The following DPP10 variants were observed in gnomAD, a reference collection of about 807,000 sequenced individuals.
DPP10 encodes inactive dipeptidyl peptidase 10.
DPP10 carries 33 observed loss-of-function variants against 120.9 expected under a neutral mutation model. That is an observed-to-expected ratio of 0.27 (90% CI 0.21 to 0.37). The LOEUF (loss-of-function observed/expected upper bound fraction) is 0.37. Among genes scored for constraint, DPP10 ranks in the 10% least tolerant of loss-of-function variants. The probability of loss-of-function intolerance (pLI) is 1.00; values close to 1 mark genes in which losing one functional copy is unlikely to be tolerated. For synonymous variants in DPP10, 337 were observed against 326.1 expected (o/e 1.03, Z -0.36); for missense variants, 816 against 942.8 (o/e 0.87, Z 1.76).
At chr2:114,925,560 A>C (rs1695556865) in intron 1 of DPP10, among the ~76,000 whole-genome samples, 1 of 152,202 alleles carries the variant, frequency 6.6e-6, no homozygotes, top group African/African-American at 2.4e-5. Context: ...ACCTAAGTGA[A>C]CCAAGAAGTT....
At chr2:114,717,164 TC>T (rs1281323090) in intron 1 of DPP10, among the ~76,000 whole-genome samples, 1 of 152,104 alleles carries the variant, frequency 6.6e-6, no homozygotes, top group Admixed American at 6.5e-5. Flanking sequence ...TTCAAAAACT[TC>T]CATTAGGAGA....
chr2:115,438,421 T>TC (rs1182133593), intron 3 of DPP10, among the ~76,000 whole-genome samples: 7 of 152,172 alleles, frequency 4.6e-5, no homozygotes, highest in African/African-American at 1.7e-4. Context: ...CTTGTACATA[T>TC]ACTTGCGTGC....
At chr2:114,543,867 G>GTTT (rs751537870) in intron 1 of DPP10, among the ~76,000 whole-genome samples, 4 of 49,224 alleles carry the variant, frequency 8.1e-5, no homozygotes, top group African/African-American at 1.4e-4. Context: ...AATGTAGCTT[G>GTTT]TTTTTTTTGT....
chr2:115,372,080 A>G (rs1237615659), intron 3 of DPP10, among the ~76,000 whole-genome samples: 1 of 152,150 alleles, frequency 6.6e-6, no homozygotes, highest in East Asian at 1.9e-4. Context: ...TTCATGTATT[A>G]AAGTGTATAA....
intron 3 of DPP10, among the ~76,000 whole-genome samples, chr2:115,384,693 GAAA>G (rs1352221919): frequency 7.2e-5 from 10 of 139,100 alleles, no homozygotes; most frequent in Non-Finnish European, 1.2e-4. Flanking sequence ...GGAAGAAGAA[GAAA>G]AAGAAAGAAG....
intron 1 of DPP10, among the ~76,000 whole-genome samples, chr2:114,511,546 A>G (rs1394633441): frequency 1.3e-5 from 2 of 152,254 alleles, no homozygotes; most frequent in Non-Finnish European, 2.9e-5. Context: ...CAGAACAAAT[A>G]TATGGAAAAA....
At chr2:115,683,856 A>G (rs3980904) in intron 5 of DPP10, among the ~76,000 whole-genome samples, 7,835 of 151,590 alleles carry the variant, frequency 0.052, 679 homozygotes, top group African/African-American at 0.18. Flanking sequence ...TTTCTTTCTT[A>G]TTGTAGTAGA....
intron 1 of DPP10, among the ~76,000 whole-genome samples, chr2:114,667,941 A>G (rs1380115349): frequency 6.6e-6 from 1 of 152,190 alleles, no homozygotes; most frequent in Non-Finnish European, 1.5e-5. Context: ...TTCAATAAGT[A>G]TAGACTGATT....
At chr2:114,992,326 C>A (rs186681705) in intron 1 of DPP10, among the ~76,000 whole-genome samples, 154 of 152,292 alleles carry the variant, frequency 1.0e-3, no homozygotes, top group African/African-American at 3.6e-3. Flanking sequence ...CTCTAGTTCA[C>A]AGGTTAGCCA....
At chr2:114,691,709 C>T (rs1390601055) in intron 1 of DPP10, among the ~76,000 whole-genome samples, 2 of 151,982 alleles carry the variant, frequency 1.3e-5, no homozygotes, top group African/African-American at 4.8e-5. Flanking sequence ...CTGTCTAGTC[C>T]TGGGCTTTTT....
chr2:114,778,762 C>T (rs551957235), intron 1 of DPP10, among the ~76,000 whole-genome samples: 5 of 151,890 alleles, frequency 3.3e-5, no homozygotes, highest in Non-Finnish European at 7.4e-5. Context: ...CAAAGGAAGC[C>T]AGAAAATGTA....
rs370058891 is a variant in DPP10, at chr2:114,518,228, C to T, written c.60+75390C>T. ...GAATAGTTGGGATTATAGGTACCCA[C>T]CACCACGCCTGGCTAATTTTTGTGT... On this transcript the variant is annotated intron_variant, in intron 1 of 25. Coordinates refer to ENST00000410059, the MANE Select transcript of DPP10 (RefSeq NM_020868.6). Among the ~76,000 whole-genome samples the T allele has an allele frequency of 1.6e-4, 24 of 152,076 alleles. No individual in the cohort carries two copies. In the East Asian group the frequency reaches 2.3e-3, roughly 15 times the overall value.
intron 1 of DPP10, among the ~76,000 whole-genome samples, chr2:114,635,127 TG>T (rs1024420908): frequency 2.6e-5 from 4 of 151,850 alleles, no homozygotes; most frequent in East Asian, 3.8e-4. Context: ...ACTTCCTCAT[TG>T]TTTTTTTTTT....
chr2:115,404,519 TATG>T (rs2068363470), intron 3 of DPP10, among the ~76,000 whole-genome samples: 1 of 152,200 alleles, frequency 6.6e-6, no homozygotes, highest in African/African-American at 2.4e-5. Flanking sequence ...AATGGAAAGA[TATG>T]CCATGTTCAT....
intron 1 of DPP10, among the ~76,000 whole-genome samples, chr2:115,141,971 G>A (rs149617382): frequency 4.6e-5 from 7 of 152,074 alleles, no homozygotes; most frequent in African/African-American, 1.7e-4. Context: ...ACAGGCTTTC[G>A]CCAGGTAGGC....
At chr2:114,761,556 T>C (rs1023634952) in intron 1 of DPP10, among the ~76,000 whole-genome samples, 2 of 152,154 alleles carry the variant, frequency 1.3e-5, no homozygotes, top group Admixed American at 6.5e-5. Context: ...AAGCTCAGTG[T>C]TCTCAGATGT....
At chr2:115,656,921 T>C (rs916886941) in intron 5 of DPP10, among the ~76,000 whole-genome samples, 1 of 151,574 alleles carries the variant, frequency 6.6e-6, no homozygotes, top group African/African-American at 2.4e-5. Context: ...AGGAGAAAAA[T>C]GGAAAATTAT....
rs1043656522 is a variant in DPP10 at position 115,061,945 on chromosome 2, GT to G, written c.61-247286del. 4.7e-5 allele frequency among the ~76,000 whole-genome samples: 7 copies of G among 149,602 alleles called. No individual in the cohort carries two copies. In the East Asian group the frequency reaches 9.8e-4, roughly 21 times the overall value. ...AATATTAAAATTTTCAGTTAAAATT[GT>G]TTTTTTTCCCTTGGCTATTCTTTTC... On this transcript the variant is annotated intron_variant, in intron 1 of 25. Coordinates refer to ENST00000410059, the MANE Select transcript of DPP10 (RefSeq NM_020868.6).
chr2:114,815,527 T>G (rs561879112), intron 1 of DPP10, among the ~76,000 whole-genome samples: 161 of 152,282 alleles, frequency 1.1e-3, no homozygotes, highest in African/African-American at 3.8e-3. Context: ...AGTATACTTT[T>G]TAAGTTGTTT....
Sources: allele counts gnomAD v4.1 joint callset (sites outside exome capture counted in the v4.1 genomes callset), GRCh38; gene constraint gnomAD v4.1.1; transcripts MANE v1.5; gene names NCBI Gene and HGNC (gene_info 2026-07-23, HGNC 2026-07-21).